PHKA2: variants seen among roughly 807,000 people sequenced by gnomAD.
PHKA2 encodes phosphorylase kinase regulatory subunit alpha 2.
PHKA2 carries 31 observed loss-of-function variants against 102.0 expected under a neutral mutation model. The observed-to-expected ratio is 0.30, with a 90% CI of 0.23 to 0.41. PHKA2 has a LOEUF of 0.41. PHKA2 is among the 10% of genes least tolerant of loss of function. The pLI is 1.00. For missense variants in PHKA2, 858 were observed against 1,023.1 expected, an observed-to-expected ratio of 0.84 and a Z score of 2.20; for synonymous variants, 455 against 416.2, an observed-to-expected ratio of 1.09 and a Z score of -1.13.
chrX:18,965,781 C>T (rs1466739025), intron 1 of PHKA2, among the ~76,000 whole-genome samples: 1 of 111,655 alleles, frequency 9.0e-6, no homozygotes, highest in Non-Finnish European at 1.9e-5. Flanking sequence ...TTCTCCCTAC[C>T]CATTGTGAGA....
intron 28 of PHKA2, among the ~76,000 whole-genome samples, 185 bp from the exon 29 acceptor site, chrX:18,899,411 T>G (rs1213641766): frequency 8.9e-6 from 1 of 112,588 alleles, no homozygotes; most frequent in Admixed American, 9.3e-5. Flanking sequence ...CAAGCACCGC[T>G]CTGGGCTTCG....
At chrX:18,929,912 T>C (rs189848995) in intron 12 of PHKA2, among the ~76,000 whole-genome samples, 1 of 112,280 alleles carries the variant, frequency 8.9e-6, no homozygotes, top group East Asian at 2.8e-4. Context: ...CCTACCTTGT[T>C]TGGCTGTAGG....
intron 15 of PHKA2, 54 bp from the exon 16 acceptor site, chrX:18,924,579 C>A: frequency 8.9e-7 from 1 of 1,129,837 alleles, no homozygotes; most frequent in African/African-American, 1.8e-5. Flanking sequence ...CCTGGAAACA[C>A]CAGCTGACAA....
intron 1 of PHKA2, among the ~76,000 whole-genome samples, chrX:18,957,421 TA>T (rs2048795618): frequency 9.0e-6 from 1 of 111,556 alleles, no homozygotes; most frequent in African/African-American, 3.3e-5. Context: ...TTCTGCAAGC[TA>T]AACATAAACA....
chrX:18,901,660 G>A, intron 26 of PHKA2, 57 bp from the exon 27 acceptor site: 1 of 801,249 alleles, frequency 1.2e-6, no homozygotes, highest in South Asian at 2.1e-5. Context: ...CCAACCCGAG[G>A]CAGGATCTGC....
chrX:18,983,616 C>T (rs1423963174), intron 1 of PHKA2, among the ~76,000 whole-genome samples: 5 of 112,436 alleles, frequency 4.4e-5, no homozygotes, highest in African/African-American at 1.6e-4. Context: ...GGCTCATTCT[C>T]ATCCTGAACA....
intron 1 of PHKA2, among the ~76,000 whole-genome samples, chrX:18,964,150 C>T (rs1012515596): frequency 9.0e-6 from 1 of 111,710 alleles, no homozygotes; most frequent in Non-Finnish European, 1.9e-5. Context: ...CTGACACTCC[C>T]TCCTCAGCCC....
chrX:18,904,581 G>A (rs941914400), intron 26 of PHKA2, among the ~76,000 whole-genome samples: 72 of 111,807 alleles, frequency 6.4e-4, no homozygotes, highest in African/African-American at 2.2e-3. Context: ...TATTTATCTC[G>A]TACATTACCA....
At chrX:18,919,999 G>C in intron 18 of PHKA2, 33 bp downstream of exon 18, 2 of 1,122,512 alleles carry the variant, frequency 1.8e-6, no homozygotes, top group Non-Finnish European at 2.4e-6. Flanking sequence ...AATAAATTCA[G>C]CGAACTACCC....
At chrX:18,950,694 A>G (rs2048667273) in intron 4 of PHKA2, among the ~76,000 whole-genome samples, 1 of 112,983 alleles carries the variant, frequency 8.9e-6, no homozygotes, top group Admixed American at 9.3e-5. Flanking sequence ...AGGTGTGGCC[A>G]ATGTGATGGT....
chrX:18,944,252 TGTG>T (rs2048541688), intron 6 of PHKA2, among the ~76,000 whole-genome samples: 2 of 110,422 alleles, frequency 1.8e-5, no homozygotes, highest in Non-Finnish European at 3.8e-5. Context: ...TTCATAACGT[TGTG>T]TGTGTGTGTG....
At chrX:18,945,432 A>C (rs2048562486) in intron 5 of PHKA2, among the ~76,000 whole-genome samples, 1 of 112,145 alleles carries the variant, frequency 8.9e-6, no homozygotes, top group Admixed American at 9.5e-5. Flanking sequence ...ATTTGTAAGA[A>C]ACTCTGGATG....
chrX:18,900,739 G>A (rs2047665207), intron 27 of PHKA2, 40 bp from the exon 28 acceptor site: 2 of 1,166,666 alleles, frequency 1.7e-6, no homozygotes, highest in Non-Finnish European at 2.3e-6. Context: ...AACCAGCTTT[G>A]AGCCAAGAAC....
At chrX:18,980,372 G>A (rs2049153891) in intron 1 of PHKA2, among the ~76,000 whole-genome samples, 1 of 112,664 alleles carries the variant, frequency 8.9e-6, no homozygotes, top group African/African-American at 3.2e-5. Flanking sequence ...GGAACTGAAT[G>A]TCTCTGTATA....
intron 1 of PHKA2, 68 bp from the exon 2 acceptor site, chrX:18,954,480 G>T: frequency 9.3e-7 from 1 of 1,073,846 alleles, no homozygotes; most frequent in Middle Eastern, 2.6e-4. Context: ...ACAGATGCTT[G>T]TCCTAACAGG....
rs748964864 is a variant in PHKA2, at chrX:18,957,738, T to TTATATATATATATATATATATATATA, written c.79-3327_79-3326insTATATATATATATATATATATATATA. Among the ~76,000 whole-genome samples, 95 of 95,071 alleles carry TTATATATATATATATATATATATATA rather than the reference T, an allele frequency of 1.0e-3. 1 individual carries two copies. The highest frequency in any genetic ancestry group is 4.1e-3 in the African/African-American group (93 of 22,700). 82.6% of individuals were successfully genotyped at this position (95,071 alleles called of 115,157 possible). A position where few individuals can be genotyped will look rare whatever the true frequency, so the allele number is the denominator to read the frequency against. On this transcript the variant is annotated intron_variant, in intron 1 of 32. Coordinates refer to ENST00000379942, the MANE Select transcript of PHKA2 (RefSeq NM_000292.3). Reference sequence around the variant, plus strand: ...TTTCCTATGTGTTACTAAAACCAGATTATATATATATATATATATATAATT... The same window carrying TTATATATATATATATATATATATATA: ...TTTCCTATGTGTTACTAAAACCAGATTATATATATATATATATATATATATATATATATATATATATATATATAATT...
chrX:18,924,401 G>C lies in PHKA2; in HGVS notation c.1694C>G (p.Pro565Arg), dbSNP rs762376783. The C allele has an allele frequency of 2.5e-6, 3 of 1,211,148 alleles. No homozygotes were observed. Among genetic ancestry groups the C allele is most frequent in the South Asian group, 1.8e-5 (1 of 56,964 alleles). Reference sequence around the variant, plus strand: ...GTTACTGAGCATGGTGCGACTGATGGGGAAGGTGAGTGTGGGTCTGCCCGT... The same window carrying C: ...GTTACTGAGCATGGTGCGACTGATGCGGAAGGTGAGTGTGGGTCTGCCCGT... ...RMTGRPTLTFPISRTMLTNDG... is the reference protein window; with the variant it reads ...RMTGRPTLTFRISRTMLTNDG... Residue 565 changes from proline (P) to arginine (R), a missense_variant, in exon 16 of 33, where the codon CCC becomes CGC. Coordinates refer to ENST00000379942, the MANE Select transcript of PHKA2 (RefSeq NM_000292.3).
chrX:18,949,322 T>C (rs969073067), intron 4 of PHKA2, among the ~76,000 whole-genome samples: 1 of 112,185 alleles, frequency 8.9e-6, no homozygotes, highest in Non-Finnish European at 1.9e-5. Flanking sequence ...TTTTAAAGTA[T>C]GAATTCTGGA....
At chrX:18,910,172 T>C (rs1271518400) in intron 20 of PHKA2, among the ~76,000 whole-genome samples, 1 of 112,371 alleles carries the variant, frequency 8.9e-6, no homozygotes, top group East Asian at 2.8e-4. Flanking sequence ...TCTTTTACTG[T>C]TTTTTCTTAC....
Sources: allele counts gnomAD v4.1 joint callset (sites outside exome capture counted in the v4.1 genomes callset), GRCh38; gene constraint gnomAD v4.1.1; transcripts MANE v1.5; gene names NCBI Gene and HGNC (gene_info 2026-07-23, HGNC 2026-07-21).